Variants in SPAG16 observed in about 807,000 individuals in gnomAD.
The protein encoded by SPAG16 is sperm-associated antigen 16 protein.
In SPAG16, 86 loss-of-function variants were observed where a neutral mutation model predicts 80.4. That is an observed-to-expected ratio of 1.07 (90% CI 0.90 to 1.28). The LOEUF is 1.28. SPAG16 is among the 50% of genes most tolerant of loss of function. The pLI, the probability that SPAG16 is intolerant of heterozygous loss-of-function variation, is 0.00. For missense variants in SPAG16, 870 were observed against 765.3 expected (o/e 1.14, Z -1.61); for synonymous variants, 294 against 265.9 (o/e 1.11, Z -1.03).
At chr2:214,376,874 A>G (rs952450433) in intron 15 of SPAG16, among the ~76,000 whole-genome samples, 1 of 152,226 alleles carries the variant, frequency 6.6e-6, no homozygotes, top group African/African-American at 2.4e-5. Context: ...TGACCCTGGA[A>G]CAACACAGGT....
At chr2:214,155,603 G>A (rs2056178506) in intron 15 of SPAG16, among the ~76,000 whole-genome samples, 1 of 152,042 alleles carries the variant, frequency 6.6e-6, no homozygotes, top group Non-Finnish European at 1.5e-5. Context: ...CTCCTGAGAA[G>A]CTAGGAAGAC....
intron 11 of SPAG16, among the ~76,000 whole-genome samples, chr2:213,865,383 G>A (rs762246446): frequency 1.3e-5 from 2 of 151,816 alleles, no homozygotes; most frequent in African/African-American, 2.4e-5. Flanking sequence ...CTGAGTCAAA[G>A]AGGAACTATA....
chr2:213,922,267 AGAGCCAGAATTT>A (rs2078261370), intron 11 of SPAG16, among the ~76,000 whole-genome samples: 2 of 152,106 alleles, frequency 1.3e-5, no homozygotes, highest in African/African-American at 4.8e-5. Context: ...GTTATTTCAG[AGAGCCAGAATTT>A]GAGCTCTTAG....
At chr2:214,407,812 A>G (rs1702080428) in intron 15 of SPAG16, among the ~76,000 whole-genome samples, 1 of 139,974 alleles carries the variant, frequency 7.1e-6, no homozygotes, top group Non-Finnish European at 1.7e-5. Flanking sequence ...TCTAACTTAG[A>G]AAGAGGTTAG....
chr2:213,913,866 T>A (rs576566628), intron 11 of SPAG16, among the ~76,000 whole-genome samples: 2 of 152,264 alleles, frequency 1.3e-5, no homozygotes, highest in African/African-American at 4.8e-5. Context: ...ATTTTGCAGC[T>A]TAAATCTGAA....
At chr2:214,258,336 AT>A (rs961087425) in intron 15 of SPAG16, among the ~76,000 whole-genome samples, 2 of 151,926 alleles carry the variant, frequency 1.3e-5, no homozygotes, top group Admixed American at 6.6e-5. Flanking sequence ...AACAAATGAT[AT>A]TTGGTTTTCC....
intron 12 of SPAG16, among the ~76,000 whole-genome samples, chr2:213,933,055 T>G (rs1208441759): frequency 6.6e-6 from 1 of 151,002 alleles, no homozygotes; most frequent in Non-Finnish European, 1.5e-5. Context: ...AAAGAGTGAT[T>G]CAACAAGTAA....
chr2:213,918,047 TTC>T (rs2078048236), intron 11 of SPAG16, among the ~76,000 whole-genome samples: 1 of 152,152 alleles, frequency 6.6e-6, no homozygotes, highest in South Asian at 2.1e-4. Flanking sequence ...TTCTTTTTAG[TTC>T]TGTTTATGTG....
chr2:213,996,596 T>C (rs2046529212), intron 12 of SPAG16, among the ~76,000 whole-genome samples: 1 of 133,098 alleles, frequency 7.5e-6, no homozygotes. Context: ...TGAGATGGAG[T>C]CTCTCCCTGT....
intron 15 of SPAG16, among the ~76,000 whole-genome samples, chr2:214,203,716 G>A (rs565141437): frequency 6.6e-6 from 1 of 152,158 alleles, no homozygotes; most frequent in South Asian, 2.1e-4. Flanking sequence ...TCTCCCAGGG[G>A]TCCTTGGGGA....
chr2:213,846,648 A>G (rs751525795), intron 10 of SPAG16, among the ~76,000 whole-genome samples: 2 of 152,130 alleles, frequency 1.3e-5, no homozygotes, highest in South Asian at 2.1e-4. Flanking sequence ...CCTTTATCTT[A>G]TATTTAAAAT....
intron 3 of SPAG16, among the ~76,000 whole-genome samples, chr2:213,303,614 A>T (rs1372660717): frequency 2.6e-5 from 4 of 152,092 alleles, no homozygotes; most frequent in African/African-American, 9.7e-5. Context: ...CCCCACAAAT[A>T]AGTGAGAACA....
rs569820866 is a variant in SPAG16, at chr2:213,486,504, G to T, written c.943-3459G>T. On this transcript the variant is annotated intron_variant, in intron 9 of 15. Transcript: ENST00000331683. ...TGGAATATTATTCGGCCATAAAAAA[G>T]AATGAAATCCTGTCATTTGCAGCAA... is the stretch of plus-strand genomic sequence containing the variant. Among the ~76,000 whole-genome samples the T allele has an allele frequency of 1.1e-4, 17 of 152,166 alleles. No individual in the cohort carries two copies. The South Asian group carries it at 1.9e-3, about 17-fold the overall frequency.
intron 5 of SPAG16, among the ~76,000 whole-genome samples, chr2:213,323,509 C>T (rs1260828711): frequency 6.6e-6 from 1 of 152,132 alleles, no homozygotes; most frequent in East Asian, 1.9e-4. Flanking sequence ...GGAACCCTTG[C>T]ACATTACTGG....
intron 14 of SPAG16, among the ~76,000 whole-genome samples, chr2:214,119,006 T>A (rs2054085072): frequency 6.6e-6 from 1 of 152,162 alleles, no homozygotes; most frequent in African/African-American, 2.4e-5. Flanking sequence ...TGACAAGTGT[T>A]TGAGGTGATA....
At chr2:213,353,513 A>AT (rs1559445138) in intron 7 of SPAG16, among the ~76,000 whole-genome samples, 1 of 152,160 alleles carries the variant, frequency 6.6e-6, no homozygotes, top group African/African-American at 2.4e-5. Flanking sequence ...GGGGTTGTCA[A>AT]TTTTCCTAGG....
chr2:213,933,631 A>T (rs975667374), intron 12 of SPAG16, among the ~76,000 whole-genome samples: 1 of 152,230 alleles, frequency 6.6e-6, no homozygotes, highest in African/African-American at 2.4e-5. Context: ...TACACAGACA[A>T]GAATTGGGTG....
chr2:214,032,174 G>A (rs1443664069), intron 13 of SPAG16, among the ~76,000 whole-genome samples: 1 of 152,116 alleles, frequency 6.6e-6, no homozygotes, highest in Admixed American at 6.5e-5. Flanking sequence ...TACACTTGGG[G>A]GTCCCACATC....
chr2:213,652,245 T>G (rs10804215), intron 10 of SPAG16, among the ~76,000 whole-genome samples: 53,518 of 151,984 alleles, frequency 0.35, 9,817 homozygotes, highest in Middle Eastern at 0.49. Flanking sequence ...AGTGCTTGTC[T>G]CATTATGTTC....
Sources: gnomAD v4.1 joint callset for allele counts (sites outside exome capture counted in the v4.1 genomes callset) on GRCh38, gnomAD v4.1.1 for gene constraint, MANE v1.5 for transcripts, NCBI Gene and HGNC (gene_info 2026-07-23, HGNC 2026-07-21) for gene names.